Variants in NKAIN2 observed in about 807,000 individuals in gnomAD.
NKAIN2 encodes sodium/potassium-transporting ATPase subunit beta-1-interacting protein 2.
A neutral mutation model predicts 32.6 loss-of-function variants in NKAIN2; 14 were observed. The observed-to-expected ratio is 0.43, with a 90% confidence interval of 0.28 to 0.67. NKAIN2 has a LOEUF of 0.67. NKAIN2 is among the 30% of genes least tolerant of loss of function. The pLI is 0.17. For missense variants in NKAIN2, 198 were observed against 258.3 expected (o/e 0.77, Z 1.60); for synonymous variants, 80 against 87.2 (o/e 0.92, Z 0.46).
At chr6:124,767,669 A>G (rs1189243474) in intron 4 of NKAIN2, among the ~76,000 whole-genome samples, 1 of 152,196 alleles carries the variant, frequency 6.6e-6, no homozygotes. Flanking sequence ...AAAATTTTAT[A>G]GGCAGATCTT....
rs148443066 is a variant in NKAIN2 at position 124,557,007 on chromosome 6, T to C, written c.274-101179T>C. Among the ~76,000 whole-genome samples the C allele has an allele frequency of 5.9e-4, 90 of 152,324 alleles. 1 individual carries two copies. The highest frequency in any genetic ancestry group is 2.1e-3 in the African/African-American group (87 of 41,574). ...AAGCATTTTATATAATGTAAAACTG[T>C]CTAAACCAATGCATTAGTTAATAAT... On this transcript the variant is annotated intron_variant, in intron 3 of 6. Coordinates refer to ENST00000368417, the MANE Select transcript of NKAIN2 (RefSeq NM_001040214.3).
chr6:123,952,667 T>A (rs1008868943), intron 1 of NKAIN2, among the ~76,000 whole-genome samples: 1 of 152,128 alleles, frequency 6.6e-6, no homozygotes, highest in African/African-American at 2.4e-5. Context: ...CTTGATTTAG[T>A]CTATTGTTGT....
At chr6:124,821,831 C>G in intron 6 of NKAIN2, among the ~76,000 whole-genome samples, 1 of 152,142 alleles carries the variant, frequency 6.6e-6, no homozygotes, top group East Asian at 1.9e-4. Context: ...TAGGAGACCT[C>G]GGATCCTAGA....
intron 5 of NKAIN2, among the ~76,000 whole-genome samples, chr6:124,809,909 A>C (rs1257722919): frequency 6.6e-6 from 1 of 152,212 alleles, no homozygotes; most frequent in Non-Finnish European, 1.5e-5. Context: ...GCCATCAGAG[A>C]AATGCAAATC....
chr6:123,876,504 A>G (rs746135912), intron 1 of NKAIN2, among the ~76,000 whole-genome samples: 1 of 152,168 alleles, frequency 6.6e-6, no homozygotes, highest in Non-Finnish European at 1.5e-5. Context: ...TGTTTATGGC[A>G]GCTGAGAAGT....
chr6:124,133,040 A>G (rs1786558358), intron 1 of NKAIN2, among the ~76,000 whole-genome samples: 1 of 152,146 alleles, frequency 6.6e-6, no homozygotes, highest in Non-Finnish European at 1.5e-5. Flanking sequence ...CGCAGGAGGG[A>G]AAGTCTGCAC....
chr6:124,392,275 T>C (rs1258751361), intron 3 of NKAIN2, among the ~76,000 whole-genome samples: 2 of 152,188 alleles, frequency 1.3e-5, no homozygotes, highest in African/African-American at 4.8e-5. Context: ...CCGTATTTTA[T>C]TGGTTTACTG....
intron 1 of NKAIN2, among the ~76,000 whole-genome samples, chr6:124,253,573 T>C (rs1793782214): frequency 6.6e-6 from 1 of 152,214 alleles, no homozygotes; most frequent in Non-Finnish European, 1.5e-5. Flanking sequence ...CTCTCTTTCT[T>C]GTGGTGACAT....
intron 1 of NKAIN2, among the ~76,000 whole-genome samples, chr6:123,924,899 A>T (rs1775934402): frequency 6.6e-6 from 1 of 152,112 alleles, no homozygotes; most frequent in South Asian, 2.1e-4. Context: ...GTAATATTAT[A>T]TATACATATA....
At chr6:124,000,018 C>A (rs1779805266) in intron 1 of NKAIN2, among the ~76,000 whole-genome samples, 1 of 151,968 alleles carries the variant, frequency 6.6e-6, no homozygotes, top group Admixed American at 6.6e-5. Flanking sequence ...GAATTTGAAA[C>A]CAACCCCCTA....
intron 4 of NKAIN2, among the ~76,000 whole-genome samples, chr6:124,702,760 A>G (rs1024235331): frequency 6.6e-6 from 1 of 152,102 alleles, no homozygotes; most frequent in African/African-American, 2.4e-5. Context: ...ATGCCCTGAC[A>G]TCGGTCATTA....
chr6:123,878,831 C>T (rs377660311), intron 1 of NKAIN2, among the ~76,000 whole-genome samples: 3 of 152,076 alleles, frequency 2.0e-5, no homozygotes, highest in South Asian at 4.1e-4. Flanking sequence ...CTTCCAACCT[C>T]CCCCTCCTCC....
chr6:123,922,593 A>G (rs879851400), intron 1 of NKAIN2, among the ~76,000 whole-genome samples: 2 of 152,116 alleles, frequency 1.3e-5, no homozygotes, highest in Non-Finnish European at 2.9e-5. Flanking sequence ...GGGTGGGGAA[A>G]GGGCAACCCA....
intron 1 of NKAIN2, among the ~76,000 whole-genome samples, chr6:123,919,697 G>A (rs1021909153): frequency 6.6e-6 from 1 of 152,028 alleles, no homozygotes; most frequent in Admixed American, 6.6e-5. Flanking sequence ...GAAGTGTGTA[G>A]TTTTATAATG....
intron 4 of NKAIN2, among the ~76,000 whole-genome samples, chr6:124,667,965 A>T (rs1300493670): frequency 1.3e-5 from 2 of 152,066 alleles, no homozygotes; most frequent in East Asian, 3.9e-4. Flanking sequence ...TCTTCTATAT[A>T]ACAAGATATC....
intron 1 of NKAIN2, among the ~76,000 whole-genome samples, chr6:124,116,107 A>G (rs572795439): frequency 2.0e-4 from 31 of 152,146 alleles, no homozygotes; most frequent in African/African-American, 7.2e-4. Flanking sequence ...CAAAATTCTT[A>G]TTGGGTTAAT....
chr6:123,996,840 G>C (rs1779638260), intron 1 of NKAIN2, among the ~76,000 whole-genome samples: 1 of 152,066 alleles, frequency 6.6e-6, no homozygotes, highest in Non-Finnish European at 1.5e-5. Flanking sequence ...TTTTGTTTCA[G>C]CATATGTCTG....
chr6:124,355,471 G>A, intron 3 of NKAIN2, 124 bp downstream of exon 3: 1 of 626,926 alleles, frequency 1.6e-6, no homozygotes, highest in Non-Finnish European at 2.9e-6. Flanking sequence ...ATTGAAAGGT[G>A]TCTTGATTTA....
chr6:124,279,121 A>C (rs1465425267), intron 1 of NKAIN2, among the ~76,000 whole-genome samples: 1 of 152,138 alleles, frequency 6.6e-6, no homozygotes, highest in Non-Finnish European at 1.5e-5. Context: ...ACAATATTTT[A>C]CTGAACAGCT....
Sources: gnomAD v4.1 joint callset for allele counts (sites outside exome capture counted in the v4.1 genomes callset) on GRCh38, gnomAD v4.1.1 for gene constraint, MANE v1.5 for transcripts, NCBI Gene and HGNC (gene_info 2026-07-23, HGNC 2026-07-21) for gene names.